ZMYND8: variants seen among roughly 807,000 people sequenced by gnomAD.
ZMYND8 encodes the protein zinc finger MYND-type containing 8.
In ZMYND8, 37 loss-of-function variants were observed where a neutral mutation model predicts 140.8. That is an observed-to-expected ratio of 0.26 (90% confidence interval 0.20 to 0.35). ZMYND8 has a LOEUF of 0.35. Ranked by LOEUF, ZMYND8 falls within the 10% of genes least tolerant of loss-of-function variation. The probability of loss-of-function intolerance (pLI) is 1.00; values close to 1 mark genes in which losing one functional copy is unlikely to be tolerated. For synonymous variants in ZMYND8, 592 were observed against 597.1 expected (o/e 0.99, Z 0.12); for missense variants, 1,068 against 1,570.0 (o/e 0.68, Z 5.40).
intron 21 of ZMYND8, among the ~76,000 whole-genome samples, chr20:47,218,186 G>A (rs1251024035): frequency 6.6e-6 from 1 of 152,142 alleles, no homozygotes; most frequent in Admixed American, 6.5e-5. Flanking sequence ...GCTCAGAATG[G>A]AATACGATGC....
chr20:47,220,399 T>C, intron 20 of ZMYND8, 75 bp from the exon 21 acceptor site: 1 of 1,224,564 alleles, frequency 8.2e-7, no homozygotes, highest in Non-Finnish European at 1.2e-6. Context: ...ATCCAGGGAG[T>C]CATGGGGGTG....
intron 22 of ZMYND8, 146 bp from the exon 23 acceptor site, chr20:47,211,043 G>T: frequency 9.1e-7 from 1 of 1,103,836 alleles, no homozygotes; most frequent in Non-Finnish European, 1.3e-6. Flanking sequence ...TGACTGCCCT[G>T]CATCTGTGGG....
At chr20:47,264,714 A>G (rs2075383956) in intron 11 of ZMYND8, among the ~76,000 whole-genome samples, 1 of 152,216 alleles carries the variant, frequency 6.6e-6, no homozygotes, top group Non-Finnish European at 1.5e-5. Flanking sequence ...ACTGTAAGAC[A>G]TAGAACTGAA....
intron 12 of ZMYND8, among the ~76,000 whole-genome samples, chr20:47,257,189 G>T (rs1165316893): frequency 2.0e-5 from 3 of 152,104 alleles, no homozygotes; most frequent in Non-Finnish European, 4.4e-5. Context: ...AGGGGAAACA[G>T]TGAATTAGCA....
At chr20:47,283,040 C>T (rs1327229315) in intron 9 of ZMYND8, among the ~76,000 whole-genome samples, 2 of 152,122 alleles carry the variant, frequency 1.3e-5, no homozygotes, top group Non-Finnish European at 2.9e-5. Context: ...CACTCCAACC[C>T]ACCAACCCCA....
intron 8 of ZMYND8, among the ~76,000 whole-genome samples, chr20:47,285,217 A>G (rs1231094990): frequency 6.6e-6 from 1 of 152,208 alleles, no homozygotes; most frequent in African/African-American, 2.4e-5. Context: ...CACTGCACTG[A>G]TATTTGTTAT....
intron 8 of ZMYND8, among the ~76,000 whole-genome samples, chr20:47,284,889 T>C (rs2076825538): frequency 6.6e-6 from 1 of 152,032 alleles, no homozygotes; most frequent in South Asian, 2.1e-4. Context: ...CCCCCATATG[T>C]TGATCTATTG....
At chr20:47,231,222 T>C (rs1292323762) in intron 16 of ZMYND8, among the ~76,000 whole-genome samples, 1 of 152,168 alleles carries the variant, frequency 6.6e-6, no homozygotes, top group East Asian at 1.9e-4. Context: ...CAGCTGACTC[T>C]TCCCCCATTA....
intron 1 of ZMYND8, chr20:47,348,205 T>TA: frequency 2.2e-6 from 1 of 447,576 alleles, no homozygotes. Flanking sequence ...GACACACAAT[T>TA]ACAACCTACC....
chr20:47,269,858 G>A (rs910681192), intron 11 of ZMYND8, among the ~76,000 whole-genome samples: 7 of 152,226 alleles, frequency 4.6e-5, no homozygotes, highest in African/African-American at 1.2e-4. Context: ...CAGATGAGCA[G>A]AGCATGGCCA....
chr20:47,261,861 C>G (rs1050138863), intron 12 of ZMYND8, among the ~76,000 whole-genome samples: 1 of 151,834 alleles, frequency 6.6e-6, no homozygotes, highest in African/African-American at 2.4e-5. Context: ...CACCTGAGGT[C>G]GGGGTTTGAG....
intron 2 of ZMYND8, among the ~76,000 whole-genome samples, chr20:47,329,004 G>C (rs1440954594): frequency 6.6e-6 from 1 of 152,108 alleles, no homozygotes; most frequent in Non-Finnish European, 1.5e-5. Context: ...CAAGGGGCCT[G>C]GCAAAAAGGG....
At chr20:47,248,244 C>T (rs2073890834) in intron 13 of ZMYND8, among the ~76,000 whole-genome samples, 1 of 152,164 alleles carries the variant, frequency 6.6e-6, no homozygotes, top group South Asian at 2.1e-4. Flanking sequence ...TCCAAGGAAA[C>T]ACTCAGTAAA....
intron 2 of ZMYND8, among the ~76,000 whole-genome samples, chr20:47,332,180 G>A (rs576878507): frequency 8.5e-4 from 129 of 152,282 alleles, no homozygotes; most frequent in African/African-American, 1.3e-3. Context: ...GCATGGTGAC[G>A]TGCGCCTATA....
chr20:47,241,038 G>C (rs898379757), intron 14 of ZMYND8, among the ~76,000 whole-genome samples: 1 of 151,784 alleles, frequency 6.6e-6, no homozygotes, highest in Non-Finnish European at 1.5e-5. Context: ...GCTCACGCCT[G>C]TAATCCCAGC....
chr20:47,227,033 C>A (rs1362741429), intron 18 of ZMYND8, among the ~76,000 whole-genome samples, 170 bp downstream of exon 18: 3 of 152,226 alleles, frequency 2.0e-5, no homozygotes, highest in African/African-American at 7.2e-5. Context: ...AACACCCACT[C>A]TTACACCTGG....
At chr20:47,230,543 C>T (rs538283195) in intron 16 of ZMYND8, among the ~76,000 whole-genome samples, 8 of 152,216 alleles carry the variant, frequency 5.3e-5, no homozygotes, top group Non-Finnish European at 1.0e-4. Context: ...ATCCACCCAC[C>T]TCGGCCTCCC....
Position 47,283,631 on chromosome 20 carries a change from T to A in ZMYND8, c.822A>T (p.Val274=). Residue 274 remains valine (V), a synonymous_variant, in exon 9 of 23, where the codon GTA becomes GTT. Coordinates refer to ENST00000471951, the MANE Select transcript of ZMYND8 (RefSeq NM_001281775.3). ...ICEHEMNEIE[V]CPECYLAACQ... ...AAGCAGCTAGATAACATTCTGGACATACTTCGATTTCATTCATCTGTAAAG... is the reference window on the plus strand; with the variant it reads ...AAGCAGCTAGATAACATTCTGGACAAACTTCGATTTCATTCATCTGTAAAG... 6.2e-7 allele frequency: 1 copy of A among 1,614,076 alleles called. No homozygotes were observed. The highest frequency in any genetic ancestry group is 1.3e-5 in the African/African-American group (1 of 75,052).
At chr20:47,257,226 C>T (rs1378376940) in intron 12 of ZMYND8, among the ~76,000 whole-genome samples, 1 of 152,030 alleles carries the variant, frequency 6.6e-6, no homozygotes, top group East Asian at 1.9e-4. Flanking sequence ...GGTCTCTGTA[C>T]AAACCTTCCC....
Sources: gnomAD v4.1 joint callset for allele counts (sites outside exome capture counted in the v4.1 genomes callset) on GRCh38, gnomAD v4.1.1 for gene constraint, MANE v1.5 for transcripts, NCBI Gene and HGNC (gene_info 2026-07-23, HGNC 2026-07-21) for gene names.